Variants in PRKAG2 observed in about 807,000 individuals in gnomAD.
PRKAG2 encodes the protein protein kinase AMP-activated non-catalytic subunit gamma 2, also known as 5'-AMP-activated protein kinase subunit gamma-2.
PRKAG2 carries 26 observed loss-of-function variants against 69.6 expected under a neutral mutation model. The ratio of observed to expected loss-of-function variants is 0.37; its 90% CI spans 0.27 to 0.52. The LOEUF is 0.52. PRKAG2 is among the 20% of genes least tolerant of loss of function. The pLI is 0.90. For synonymous variants in PRKAG2, 293 were observed against 285.0 expected (o/e 1.03, Z -0.28); for missense variants, 557 against 740.0 (o/e 0.75, Z 2.87).
chr7:151,814,335 C>T lies in PRKAG2; in HGVS notation c.115-27794G>A. ...AGTCTTACACACCAAGGAGACAAAG[C>T]ATCGTGAGGGGGAAAACCGCACACC... On this transcript the variant is annotated intron_variant, in intron 1 of 15. Coordinates refer to ENST00000287878, the MANE Select transcript of PRKAG2 (RefSeq NM_016203.4). The surrounding 1 kb of genome is among the most constrained non-coding windows in gnomAD (Gnocchi z 4.8). 1 of 989,524 alleles carries T rather than the reference C, an allele frequency of 1.0e-6. No homozygotes were observed. The allele number at this position is 989,524 out of a possible 1,614,324, so 61.3% of individuals were successfully genotyped here. A position where few individuals can be genotyped will look rare whatever the true frequency, so the allele number is the denominator to read the frequency against.
intron 3 of PRKAG2, among the ~76,000 whole-genome samples, chr7:151,705,808 G>T (rs1838496458): frequency 6.6e-6 from 1 of 152,036 alleles, no homozygotes; most frequent in Non-Finnish European, 1.5e-5. Context: ...CAGGTTGGTG[G>T]CACTTCCTTG....
At chr7:151,591,675 T>C (rs140918020) in intron 6 of PRKAG2, among the ~76,000 whole-genome samples, 160 of 152,180 alleles carry the variant, frequency 1.1e-3, no homozygotes, top group Admixed American at 2.7e-3. Flanking sequence ...AAAAGCTGTT[T>C]TCAGAGAGGC....
At chr7:151,586,328 T>C (rs976382927) in intron 6 of PRKAG2, among the ~76,000 whole-genome samples, 4 of 139,526 alleles carry the variant, frequency 2.9e-5, no homozygotes, top group African/African-American at 5.4e-5. Context: ...GTGAATCTCC[T>C]GTAAATTTTT....
chr7:151,573,333 G>GTTTTT, intron 8 of PRKAG2, among the ~76,000 whole-genome samples: 1 of 82,836 alleles, frequency 1.2e-5, no homozygotes, highest in Non-Finnish European at 2.1e-5. Context: ...ATTTTTGTGG[G>GTTTTT]TTTTTTTTTT....
At chr7:151,661,766 G>A (rs565307969) in intron 4 of PRKAG2, among the ~76,000 whole-genome samples, 2 of 152,248 alleles carry the variant, frequency 1.3e-5, no homozygotes, top group Admixed American at 6.5e-5. Context: ...CAGGGTATGC[G>A]TTCCTTCTCA....
chr7:151,777,158 T>C lies in PRKAG2; in HGVS notation c.466+3994A>G, dbSNP rs1046057238. Among the ~76,000 whole-genome samples, 3 of 152,022 alleles carry C rather than the reference T, an allele frequency of 2.0e-5. No homozygotes were observed. Among genetic ancestry groups the C allele is most frequent in the African/African-American group, 7.2e-5 (3 of 41,412 alleles). On this transcript the variant is annotated intron_variant, in intron 3 of 15. Transcript: ENST00000287878. This position sits in a 1 kb window ranked among gnomAD's most constrained non-coding sequence, Gnocchi z 4.3. Reference sequence around the variant, plus strand: ...CTCCTGTGCAGACCACAGGCCCCAATGGAAGGGGCCATGGCCAGGTTCAGC... The same window carrying C: ...CTCCTGTGCAGACCACAGGCCCCAACGGAAGGGGCCATGGCCAGGTTCAGC...
chr7:151,726,918 T>C (rs958342108), intron 3 of PRKAG2, among the ~76,000 whole-genome samples: 2 of 152,022 alleles, frequency 1.3e-5, no homozygotes, highest in African/African-American at 4.8e-5. Flanking sequence ...TAGTCAAGTA[T>C]CAAAAAGGTG....
chr7:151,566,618 T>C (rs975770875), intron 11 of PRKAG2: 13 of 445,938 alleles, frequency 2.9e-5, no homozygotes, highest in Admixed American at 2.7e-4. Context: ...GTGTACCTTA[T>C]AATTATCAGG....
At chr7:151,697,452 T>C (rs1452874377) in intron 3 of PRKAG2, among the ~76,000 whole-genome samples, 1 of 152,010 alleles carries the variant, frequency 6.6e-6, no homozygotes, top group Non-Finnish European at 1.5e-5. Flanking sequence ...CAGGAGGAGC[T>C]TGAACTCTGT....
chr7:151,715,318 A>C, intron 3 of PRKAG2, among the ~76,000 whole-genome samples: 1 of 98,924 alleles, frequency 1.0e-5, no homozygotes, highest in Admixed American at 1.1e-4. Context: ...ACCTGGCCTA[A>C]AAGCAAAAAA....
chr7:151,684,862 C>CT (rs1291476062), intron 3 of PRKAG2, among the ~76,000 whole-genome samples: 3 of 152,176 alleles, frequency 2.0e-5, no homozygotes, highest in Non-Finnish European at 4.4e-5. Flanking sequence ...GGAAGCTGTT[C>CT]CTGAGGGCGT....
chr7:151,619,597 A>T (rs972630606), intron 5 of PRKAG2, among the ~76,000 whole-genome samples: 1 of 152,222 alleles, frequency 6.6e-6, no homozygotes, highest in Non-Finnish European at 1.5e-5. Flanking sequence ...TTATTAAAAA[A>T]TTGTATAAAA....
At chr7:151,839,258 C>T (rs1028626630) in intron 1 of PRKAG2, among the ~76,000 whole-genome samples, 2 of 152,172 alleles carry the variant, frequency 1.3e-5, no homozygotes, top group Non-Finnish European at 2.9e-5. Context: ...CAACTACAGA[C>T]TGGCCTGCAG....
At chr7:151,813,264 C>T (rs370295749) in intron 1 of PRKAG2, among the ~76,000 whole-genome samples, 28 of 152,254 alleles carry the variant, frequency 1.8e-4, no homozygotes, top group African/African-American at 4.3e-4. Flanking sequence ...ACCTACAATC[C>T]GTAACGCCAT....
chr7:151,730,983 C>T (rs2151679850), intron 3 of PRKAG2, among the ~76,000 whole-genome samples: 1 of 152,280 alleles, frequency 6.6e-6, no homozygotes, highest in Admixed American at 6.5e-5. Flanking sequence ...CACCAGCTTC[C>T]TGACACACCG....
rs966627582 is a variant in PRKAG2, at chr7:151,777,519, TC to T, written c.466+3632del. Among the ~76,000 whole-genome samples the T allele has an allele frequency of 2.0e-5, 3 of 152,102 alleles. No individual in the cohort carries two copies. Among genetic ancestry groups the T allele is most frequent in the Non-Finnish European group, 2.9e-5 (2 of 68,006 alleles). Reference sequence around the variant, plus strand: ...TGGGTGCTTTAAAGACTCCAGTACCTCCCCCCTCTCTCTTGCTCCCTTGCGT... The same window carrying T: ...TGGGTGCTTTAAAGACTCCAGTACCTCCCCCTCTCTCTTGCTCCCTTGCGT... On this transcript the variant is annotated intron_variant, in intron 3 of 15. Transcript: ENST00000287878. The surrounding 1 kb of genome is among the most constrained non-coding windows in gnomAD (Gnocchi z 4.3).
chr7:151,591,794 A>G (rs184137957), intron 6 of PRKAG2, among the ~76,000 whole-genome samples: 82 of 152,262 alleles, frequency 5.4e-4, no homozygotes, highest in African/African-American at 1.9e-3. Flanking sequence ...CCAAAAGGAA[A>G]TTTACAGAGC....
intron 1 of PRKAG2, among the ~76,000 whole-genome samples, chr7:151,840,816 C>T (rs2079258911): frequency 6.6e-6 from 1 of 152,240 alleles, no homozygotes; most frequent in South Asian, 2.1e-4. Flanking sequence ...GCTCCTCATT[C>T]ATCAACTGTG....
At chr7:151,854,958 ACATACCAC>A in intron 1 of PRKAG2, among the ~76,000 whole-genome samples, 1 of 134,678 alleles carries the variant, frequency 7.4e-6, no homozygotes, top group Non-Finnish European at 1.6e-5. Flanking sequence ...ACCACTCTCC[ACATACCAC>A]CCTCCACACA....
Sources: gnomAD v4.1 joint callset for allele counts (sites outside exome capture counted in the v4.1 genomes callset) on GRCh38, gnomAD v4.1.1 for gene constraint, Gnocchi (gnomAD v3.1) non-coding constraint, MANE v1.5 for transcripts, NCBI Gene and HGNC (gene_info 2026-07-23, HGNC 2026-07-21) for gene names.